ATP11C: variants seen among roughly 807,000 people sequenced by gnomAD.
The protein encoded by ATP11C is phospholipid-transporting ATPase IG.
ATP11C carries 36 observed loss-of-function variants against 97.4 expected under a neutral mutation model. The ratio of observed to expected loss-of-function variants is 0.37; its 90% CI spans 0.28 to 0.49. The LOEUF (loss-of-function observed/expected upper bound fraction) is 0.49, where lower values mean the gene tolerates loss of function less well. Ranked by LOEUF, ATP11C falls within the 20% of genes least tolerant of loss-of-function variation. The pLI is 0.98. For synonymous variants in ATP11C, 275 were observed against 290.9 expected (o/e 0.95, Z 0.56); for missense variants, 730 against 824.6 (o/e 0.89, Z 1.40).
chrX:139,786,744 C>T (rs2082582679), intron 15 of ATP11C, among the ~76,000 whole-genome samples: 1 of 112,413 alleles, frequency 8.9e-6, no homozygotes, highest in African/African-American at 3.2e-5. Flanking sequence ...AGGCTCACAC[C>T]TGAACATTCC....
rs573724252 is a variant in ATP11C at position 139,815,475 on chromosome X, C to A, written c.319-490G>T. ...CACAGAGAATAATAGAAAAGGCAAG[C>A]AAGGATTGTTTTGGCAGAGAAGCTA... is the stretch of plus-strand genomic sequence containing the variant. On this transcript the variant is annotated intron_variant, in intron 4 of 29. Transcript: ENST00000682941. Among the ~76,000 whole-genome samples the A allele has an allele frequency of 3.2e-4, 36 of 111,291 alleles. No individual in the cohort carries two copies. In the South Asian group the frequency reaches 0.014, roughly 42 times the overall value.
intron 4 of ATP11C, among the ~76,000 whole-genome samples, chrX:139,815,999 A>C: frequency 8.9e-6 from 1 of 111,821 alleles, no homozygotes; most frequent in East Asian, 2.8e-4. Context: ...TTATGATGTT[A>C]AAGAAAATAA....
intron 1 of ATP11C, chrX:139,909,946 G>T (rs1012548228): frequency 9.0e-6 from 1 of 111,714 alleles, no homozygotes; most frequent in Non-Finnish European, 1.9e-5. Context: ...TAGCCTGCAC[G>T]TCCTTAGAAA....
chrX:139,864,104 A>G (rs889846957), intron 1 of ATP11C, among the ~76,000 whole-genome samples: 5 of 111,919 alleles, frequency 4.5e-5, no homozygotes, highest in Non-Finnish European at 9.4e-5. Context: ...AAAGAGTATT[A>G]GCAAAAAAAG....
chrX:139,911,017 A>G (rs2085065545), intron 1 of ATP11C, among the ~76,000 whole-genome samples: 1 of 111,577 alleles, frequency 9.0e-6, no homozygotes, highest in Non-Finnish European at 1.9e-5. Context: ...GCAAAATGTT[A>G]AAAGTTTTAG....
At chrX:139,731,629 C>A in intron 29 of ATP11C, 22 bp downstream of exon 29, 1 of 1,013,130 alleles carries the variant, frequency 9.9e-7, no homozygotes, top group Non-Finnish European at 1.3e-6. Context: ...TAAAGCCAGC[C>A]CATTTGTTTA....
chrX:139,816,796 C>G (rs2083295519), intron 4 of ATP11C, 67 bp downstream of exon 4: 1 of 713,909 alleles, frequency 1.4e-6, no homozygotes, highest in African/African-American at 2.2e-5. Context: ...TGAAAAAGAG[C>G]CTTTGACAAT....
chrX:139,916,089 C>T (rs1001616298), intron 1 of ATP11C, among the ~76,000 whole-genome samples: 30 of 109,757 alleles, frequency 2.7e-4, no homozygotes, highest in African/African-American at 9.6e-4. Context: ...ATTAGCTGTG[C>T]GTGGTGGCAC....
intron 10 of ATP11C, 152 bp downstream of exon 10, chrX:139,798,121 A>T: frequency 4.2e-6 from 2 of 478,679 alleles, no homozygotes; most frequent in Non-Finnish European, 6.9e-6. Flanking sequence ...CATACAAATC[A>T]TTGAGCACAG....
At chrX:139,878,970 G>A (rs993317588) in intron 1 of ATP11C, among the ~76,000 whole-genome samples, 1 of 110,997 alleles carries the variant, frequency 9.0e-6, no homozygotes, top group African/African-American at 3.3e-5. Flanking sequence ...AAGTAACCAG[G>A]CATGGTAGCG....
At chrX:139,746,375 G>A (rs1244929680) in intron 24 of ATP11C, among the ~76,000 whole-genome samples, 1 of 111,438 alleles carries the variant, frequency 9.0e-6, no homozygotes, top group Non-Finnish European at 1.9e-5. Context: ...CTGGAGGTCA[G>A]GATATTTTTA....
At chrX:139,931,475 G>A (rs767566251) in intron 1 of ATP11C, among the ~76,000 whole-genome samples, 274 of 111,956 alleles carry the variant, frequency 2.4e-3, no homozygotes, top group African/African-American at 7.8e-3. Context: ...TTGTAGGCTG[G>A]GTCTCCAAAG....
At position 139,866,991 on chromosome X, in the gene ATP11C, T is replaced by G. The variant is rs2084298064; in HGVS notation, c.28-40168A>C. Among the ~76,000 whole-genome samples the G allele has an allele frequency of 2.7e-5, 3 of 111,444 alleles. No individual in the cohort carries two copies. In the Admixed American group the frequency reaches 2.9e-4, roughly 11 times the overall value. On this transcript the variant is annotated intron_variant, in intron 1 of 29. Transcript: ENST00000682941. ...ATCTCAGCTACTTGAGAGGCTGAGG[T>G]GGGAGGATCACTCGAGCCTGGGAGT... is the stretch of plus-strand genomic sequence containing the variant.
intron 8 of ATP11C, 71 bp from the exon 9 acceptor site, chrX:139,798,814 C>G: frequency 1.3e-6 from 1 of 794,934 alleles, no homozygotes; most frequent in Non-Finnish European, 1.9e-6. Context: ...CAGATTTTGC[C>G]CTGACACACA....
At chrX:139,933,105 C>T (rs2085470769), upstream of ATP11C, 1 of 111,167 alleles carries the variant, frequency 9.0e-6, no homozygotes, top group Admixed American at 9.4e-5. Context: ...CCCGCCCCAC[C>T]CAGGCCCCTC....
chrX:139,848,897 T>C (rs1239210622), intron 1 of ATP11C, among the ~76,000 whole-genome samples: 1 of 112,292 alleles, frequency 8.9e-6, no homozygotes, highest in Non-Finnish European at 1.9e-5. Context: ...TGTAGGAGGC[T>C]GAGAACAGTT....
intron 1 of ATP11C, among the ~76,000 whole-genome samples, chrX:139,858,550 T>C (rs2084129835): frequency 2.7e-5 from 3 of 112,362 alleles, no homozygotes; most frequent in Admixed American, 1.9e-4. Context: ...AGACTTCTCT[T>C]CTGAACTATA....
intron 14 of ATP11C, among the ~76,000 whole-genome samples, chrX:139,787,458 C>T (rs1012579408): frequency 3.6e-5 from 4 of 110,856 alleles, no homozygotes; most frequent in South Asian, 3.9e-4. Context: ...TCACCACACC[C>T]GGCTGATTTT....
In ATP11C at chrX:139,733,603, A is replaced by G. The variant is rs750258490; in HGVS notation, c.3289-1848T>C. 1.3e-4 allele frequency among the ~76,000 whole-genome samples: 15 copies of G among 112,298 alleles called. No individual in the cohort carries two copies. In the South Asian group the frequency reaches 5.1e-3, roughly 38 times the overall value. On this transcript the variant is annotated intron_variant, in intron 28 of 29. Transcript: ENST00000682941. ...TGATAGACATATTGATAGAATGCAA[A>G]TTACCAATTGATAAAGCTAGAGAAT...
Sources: allele counts gnomAD v4.1 joint callset (sites outside exome capture counted in the v4.1 genomes callset), GRCh38; gene constraint gnomAD v4.1.1; transcripts MANE v1.5; gene names NCBI Gene and HGNC (gene_info 2026-07-23, HGNC 2026-07-21).